Variants in CCDC178 observed in about 807,000 individuals in gnomAD.
CCDC178 encodes coiled-coil domain-containing protein 178.
Under a neutral mutation model 117.4 loss-of-function variants are expected in CCDC178, and 126 were observed. The observed-to-expected ratio is 1.07, with a 90% CI of 0.93 to 1.24. The LOEUF (loss-of-function observed/expected upper bound fraction) is 1.24, where lower values mean the gene tolerates loss of function less well. CCDC178 is among the 50% of genes most tolerant of loss of function. The pLI, the probability that CCDC178 is intolerant of heterozygous loss-of-function variation, is 0.00. For missense variants in CCDC178, 1,030 were observed against 986.9 expected (o/e 1.04, Z -0.59); for synonymous variants, 283 against 313.4 (o/e 0.90, Z 1.02).
chr18:33,404,635 T>C (rs1306978610), intron 3 of CCDC178, among the ~76,000 whole-genome samples: 2 of 152,084 alleles, frequency 1.3e-5, no homozygotes, highest in African/African-American at 2.4e-5. Context: ...TGAAAACATA[T>C]GTTTGCATAA....
intron 15 of CCDC178, among the ~76,000 whole-genome samples, chr18:33,231,868 G>C (rs1027970324): frequency 3.9e-5 from 6 of 152,156 alleles, no homozygotes; most frequent in African/African-American, 7.2e-5. Flanking sequence ...GCTTGGGAGA[G>C]AGCAGCCTCT....
chr18:33,167,905 A>T (rs1366013104), intron 20 of CCDC178, among the ~76,000 whole-genome samples: 4 of 151,780 alleles, frequency 2.6e-5, no homozygotes, highest in African/African-American at 9.7e-5. Flanking sequence ...TAAATAATAA[A>T]AGTGTCTGTT....
chr18:33,282,809 C>G (rs891879883), intron 12 of CCDC178, among the ~76,000 whole-genome samples: 1 of 152,144 alleles, frequency 6.6e-6, no homozygotes, highest in Non-Finnish European at 1.5e-5. Context: ...GGGCCCAGAG[C>G]CAGCAAGCCC....
At chr18:33,210,380 G>A (rs553246514) in intron 20 of CCDC178, among the ~76,000 whole-genome samples, 89 of 152,070 alleles carry the variant, frequency 5.9e-4, no homozygotes, top group African/African-American at 2.1e-3. Flanking sequence ...GGCAGGGACA[G>A]GCTTTTTGAT....
At chr18:33,033,923 C>CTG (rs113741457) in intron 21 of CCDC178, among the ~76,000 whole-genome samples, 14,406 of 151,594 alleles carry the variant, frequency 0.095, 1,015 homozygotes, top group African/African-American at 0.19. Flanking sequence ...AAGACAATAT[C>CTG]TGTGTGTGTG....
chr18:32,987,945 C>A (rs1430298535), intron 21 of CCDC178, among the ~76,000 whole-genome samples: 1 of 151,624 alleles, frequency 6.6e-6, no homozygotes, highest in Non-Finnish European at 1.5e-5. Flanking sequence ...TGCGTGGTGG[C>A]AGACGCCTGC....
At chr18:33,007,759 G>A (rs1057279751) in intron 21 of CCDC178, among the ~76,000 whole-genome samples, 1 of 152,076 alleles carries the variant, frequency 6.6e-6, no homozygotes, top group Non-Finnish European at 1.5e-5. Flanking sequence ...GGTATGACAT[G>A]ACTGATTCAG....
intron 21 of CCDC178, among the ~76,000 whole-genome samples, chr18:33,054,419 C>T (rs2056794487): frequency 6.6e-6 from 1 of 152,158 alleles, no homozygotes. Context: ...TGATGCTCTA[C>T]CTGCCCCCCA....
chr18:33,368,911 AGTT>A (rs1318520687), intron 6 of CCDC178, among the ~76,000 whole-genome samples: 1 of 152,098 alleles, frequency 6.6e-6, no homozygotes, highest in Admixed American at 6.6e-5. Context: ...AATAAGTGGT[AGTT>A]GTTATAATTA....
chr18:33,143,739 C>A (rs1162995369), intron 20 of CCDC178, among the ~76,000 whole-genome samples: 1 of 152,064 alleles, frequency 6.6e-6, no homozygotes, highest in African/African-American at 2.4e-5. Flanking sequence ...AAGTTTCATT[C>A]TTTTCTGAGG....
chr18:32,955,317 A>T (rs143222273), intron 22 of CCDC178, among the ~76,000 whole-genome samples: 1 of 152,284 alleles, frequency 6.6e-6, no homozygotes, highest in East Asian at 1.9e-4. Flanking sequence ...CTAAAGCCCA[A>T]TTGTACTCCT....
chr18:33,045,192 A>C (rs2056620131), intron 21 of CCDC178, among the ~76,000 whole-genome samples: 1 of 152,198 alleles, frequency 6.6e-6, no homozygotes, highest in African/African-American at 2.4e-5. Context: ...AAAAAGATAA[A>C]AAAGTCAATA....
In CCDC178 at chr18:32,937,889, TGA is replaced by T. The variant is rs1308626409; in HGVS notation, c.*120_*121del. The T allele has an allele frequency of 3.4e-5, 24 of 705,578 alleles. No individual in the cohort carries two copies. Among genetic ancestry groups the T allele is most frequent in the Admixed American group, 2.0e-4 (9 of 45,742 alleles). The allele number at this position is 705,578 out of a possible 1,614,324, so 43.7% of individuals were successfully genotyped here. On this transcript the variant is annotated 3_prime_UTR_variant, in exon 23 of 23. Coordinates refer to ENST00000383096, the MANE Select transcript of CCDC178 (RefSeq NM_001105528.4). ...GTGGCAAAGCATGCTGGGAGGTGAG[TGA>T]GTTTTTCGTTCATGGAAGTGTGAAA...
chr18:33,084,317 C>G (rs2057343422), intron 21 of CCDC178, among the ~76,000 whole-genome samples: 1 of 152,112 alleles, frequency 6.6e-6, no homozygotes, highest in Non-Finnish European at 1.5e-5. Flanking sequence ...GCCAGATTAA[C>G]CAAATTAAAA....
intron 9 of CCDC178, among the ~76,000 whole-genome samples, chr18:33,342,486 T>A (rs1029262344): frequency 3.3e-5 from 5 of 152,194 alleles, no homozygotes; most frequent in Non-Finnish European, 7.4e-5. Flanking sequence ...CCCCACCCAA[T>A]CTCAACTGGA....
At chr18:33,389,401 T>TTA (rs2063535964) in intron 5 of CCDC178, 139 bp downstream of exon 5, 1 of 355,928 alleles carries the variant, frequency 2.8e-6, no homozygotes, top group Admixed American at 4.7e-5. Context: ...ATCTTTACTA[T>TTA]TATATATATT....
chr18:33,014,883 C>A (rs924867680), intron 21 of CCDC178, among the ~76,000 whole-genome samples: 10 of 152,036 alleles, frequency 6.6e-5, no homozygotes, highest in Non-Finnish European at 1.5e-4. Context: ...AGAAAAAATT[C>A]GATTTCCAGA....
intron 20 of CCDC178, among the ~76,000 whole-genome samples, chr18:33,179,059 T>TAA (rs757037955): frequency 0.23 from 3,337 of 14,626 alleles, 767 homozygotes; most frequent in Non-Finnish European, 0.26. Context: ...AAGCACTCAG[T>TAA]AAAAAAAAAA....
chr18:33,225,812 A>T (rs958269977), intron 16 of CCDC178, among the ~76,000 whole-genome samples: 3 of 152,230 alleles, frequency 2.0e-5, no homozygotes, highest in African/African-American at 4.8e-5. Context: ...TAACAGAAAA[A>T]AATTACAAAA....
Sources: gnomAD v4.1 joint callset for allele counts (sites outside exome capture counted in the v4.1 genomes callset) on GRCh38, gnomAD v4.1.1 for gene constraint, MANE v1.5 for transcripts, NCBI Gene and HGNC (gene_info 2026-07-23, HGNC 2026-07-21) for gene names.